The following JMJD1C variants were observed in gnomAD, a reference collection of about 807,000 sequenced individuals.
The protein encoded by JMJD1C is jumonji domain containing 1C.
JMJD1C carries 31 observed loss-of-function variants against 245.3 expected under a neutral mutation model. The ratio of observed to expected loss-of-function variants is 0.13; its 90% confidence interval spans 0.09 to 0.17. JMJD1C has a LOEUF of 0.17. JMJD1C is among the 10% of genes least tolerant of loss of function. The pLI is 1.00. For missense variants in JMJD1C, 2,691 were observed against 3,000.2 expected, an observed-to-expected ratio of 0.90 and a Z score of 2.41; for synonymous variants, 1,057 against 1,017.4, an observed-to-expected ratio of 1.04 and a Z score of -0.74.
At chr10:63,202,374 AGTTTGCTATTTCT>A in intron 10 of JMJD1C, 6 of 985,344 alleles carry the variant, frequency 6.1e-6, no homozygotes, top group Non-Finnish European at 7.2e-6. Context: ...AGATTTACAT[AGTTTGCTATTTCT>A]GTCATGCTGA....
At chr10:63,202,990 C>T (rs1258416255) in intron 10 of JMJD1C, 1 of 984,258 alleles carries the variant, frequency 1.0e-6, no homozygotes, top group Non-Finnish European at 1.2e-6. Context: ...ATCACCATAC[C>T]ACTGTGAACA....
intron 2 of JMJD1C, among the ~76,000 whole-genome samples, chr10:63,323,518 A>T (rs1357889738): frequency 1.3e-5 from 2 of 152,306 alleles, no homozygotes; most frequent in African/African-American, 4.8e-5. Flanking sequence ...AGACTGTTTC[A>T]AAAAAAGAAA....
At chr10:63,213,108 C>T (rs1170195692) in intron 8 of JMJD1C, among the ~76,000 whole-genome samples, 2 of 150,140 alleles carry the variant, frequency 1.3e-5, no homozygotes, top group African/African-American at 2.4e-5. Context: ...ATTGCTTGAA[C>T]CTGGGAGGCA....
chr10:63,429,570 ACATAGGC>A (rs1950630569), intron 1 of JMJD1C, among the ~76,000 whole-genome samples: 2 of 152,352 alleles, frequency 1.3e-5, no homozygotes, highest in South Asian at 4.1e-4. Context: ...ATACAATGTT[ACATAGGC>A]TTTGAGATTC....
intron 1 of JMJD1C, among the ~76,000 whole-genome samples, chr10:63,438,928 ATCT>A (rs558003142): frequency 1.2e-3 from 187 of 152,238 alleles, no homozygotes; most frequent in East Asian, 4.6e-3. Flanking sequence ...ATACTCATTT[ATCT>A]TCTTATCTTT....
chr10:63,187,367 A>G (rs1021048584), intron 18 of JMJD1C, among the ~76,000 whole-genome samples: 2 of 152,226 alleles, frequency 1.3e-5, no homozygotes, highest in Non-Finnish European at 2.9e-5. Flanking sequence ...TAAATTTTTT[A>G]AAAAAGATAA....
intron 1 of JMJD1C, among the ~76,000 whole-genome samples, chr10:63,502,636 CAAAAA>C (rs67729776): frequency 7.5e-5 from 5 of 66,246 alleles, no homozygotes; most frequent in African/African-American, 1.1e-4. Context: ...GACTTTGTCT[CAAAAA>C]AAAAAAAAAA....
At position 63,213,662 on chromosome 10, in the gene JMJD1C, CTGT is replaced by C. The variant is rs754671274; in HGVS notation, c.2502_2504del (p.Gln835del). The stretch of plus-strand genomic sequence containing the variant: ...GATGAGGTGACTGGTGCTGTAACAA[CTGT>C]TGTTGTTGCTGGTGTGCTAGCGCTA... On this transcript the variant is annotated inframe_deletion, in exon 8 of 26. Transcript: ENST00000399262. 12 of 1,614,192 alleles carry C rather than the reference CTGT, an allele frequency of 7.4e-6. No individual in the cohort carries two copies. Among genetic ancestry groups the C allele is most frequent in the South Asian group, 6.6e-5 (6 of 91,088 alleles).
At chr10:63,271,337 C>T (rs762117886) in intron 2 of JMJD1C, among the ~76,000 whole-genome samples, 16 of 151,040 alleles carry the variant, frequency 1.1e-4, no homozygotes, top group African/African-American at 2.7e-4. Flanking sequence ...CCACCGTGCC[C>T]GGCTAATTTT....
intron 2 of JMJD1C, among the ~76,000 whole-genome samples, chr10:63,345,261 C>T (rs540397440): frequency 5.3e-5 from 8 of 152,102 alleles, no homozygotes; most frequent in South Asian, 4.2e-4. Flanking sequence ...CCGAGGTGGG[C>T]GGATCACCTG....
chr10:63,359,917 G>A (rs1344898576), intron 2 of JMJD1C, among the ~76,000 whole-genome samples: 5 of 152,016 alleles, frequency 3.3e-5, no homozygotes, highest in Admixed American at 3.3e-4. Flanking sequence ...ATCAGTCAGT[G>A]TAGCATTTAA....
Position 63,514,302 on chromosome 10 carries a change from T to C in JMJD1C, n.113+7436A>G, listed in dbSNP as rs184986300. ...AGGTATACAACCAAAAGAAAAACCA[T>C]TGTACCAAAAAGACACATGCACTCA... On this transcript the variant is annotated intron_variant and non_coding_transcript_variant, in intron 1 of 3. Coordinates refer to the JMJD1C transcript ENST00000633035. Among the ~76,000 whole-genome samples the C allele has an allele frequency of 6.6e-4, 100 of 152,216 alleles. 1 individual carries two copies. Among genetic ancestry groups the C allele is most frequent in the African/African-American group, 2.3e-3 (94 of 41,530 alleles).
At chr10:63,230,682 T>C (rs965460637) in intron 3 of JMJD1C, among the ~76,000 whole-genome samples, 1 of 151,540 alleles carries the variant, frequency 6.6e-6, no homozygotes, top group Non-Finnish European at 1.5e-5. Flanking sequence ...GGCTGAGGCA[T>C]GAGAATCACT....
At chr10:63,373,933 T>A (rs1041922809) in intron 2 of JMJD1C, among the ~76,000 whole-genome samples, 15 of 152,194 alleles carry the variant, frequency 9.9e-5, no homozygotes, top group Non-Finnish European at 2.1e-4. Context: ...TTGACTATTT[T>A]CTTAATTATT....
chr10:63,344,652 A>T (rs1943657917), intron 2 of JMJD1C, among the ~76,000 whole-genome samples: 1 of 152,222 alleles, frequency 6.6e-6, no homozygotes, highest in East Asian at 1.9e-4. Flanking sequence ...CTGAAAGAGG[A>T]CATACATTCA....
intron 1 of JMJD1C, among the ~76,000 whole-genome samples, chr10:63,476,877 A>C (rs1381453087): frequency 1.3e-5 from 2 of 152,238 alleles, no homozygotes; most frequent in African/African-American, 4.8e-5. Context: ...CTGCAGAAAG[A>C]AATCTCTAGA....
Position 63,207,364 on chromosome 10 carries a change from T to C in JMJD1C, c.4305A>G (p.Ser1435=). The change falls in exon 10 of 26, where the codon TCA becomes TCG. Residue 1435 remains serine (S), a synonymous_variant. Transcript: ENST00000399262. The part of the protein sequence containing the change: ...LASTSSECVS[S]KSVSQPVAQK... Reference sequence around the variant, plus strand: ...GAGCCACTGGCTGACTGACACTTTTTGAAGATACACATTCTGATGATGTAG... The same window carrying C: ...GAGCCACTGGCTGACTGACACTTTTCGAAGATACACATTCTGATGATGTAG... 6.2e-7 allele frequency: 1 copy of C among 1,613,994 alleles called. No homozygotes were observed. The highest frequency in any genetic ancestry group is 1.1e-5 in the South Asian group (1 of 91,084).
chr10:63,396,955 G>A (rs1356093167), intron 1 of JMJD1C, among the ~76,000 whole-genome samples: 1 of 148,082 alleles, frequency 6.8e-6, no homozygotes, highest in Non-Finnish European at 1.5e-5. Flanking sequence ...TTGAGACAGG[G>A]TCTCACTCTC....
intron 1 of JMJD1C, among the ~76,000 whole-genome samples, chr10:63,384,602 A>G (rs886852868): frequency 6.6e-6 from 1 of 152,180 alleles, no homozygotes; most frequent in Non-Finnish European, 1.5e-5. Context: ...AATATTTAGA[A>G]AAACCTACTA....
Sources: gnomAD v4.1 joint callset for allele counts (sites outside exome capture counted in the v4.1 genomes callset) on GRCh38, gnomAD v4.1.1 for gene constraint, MANE v1.5 for transcripts, NCBI Gene and HGNC (gene_info 2026-07-23, HGNC 2026-07-21) for gene names.